The following EQTN variants were observed in gnomAD, a reference collection of about 807,000 sequenced individuals.
EQTN encodes equatorin.
A neutral mutation model predicts 26.9 loss-of-function variants in EQTN; 29 were observed. The ratio of observed to expected loss-of-function variants is 1.08; its 90% CI spans 0.80 to 1.47. The LOEUF (loss-of-function observed/expected upper bound fraction) is 1.47, where lower values mean the gene tolerates loss of function less well. EQTN is among the 40% of genes most tolerant of loss of function. The pLI is 0.00. For missense variants in EQTN, 391 were observed against 346.1 expected, an observed-to-expected ratio of 1.13 and a Z score of -1.03; for synonymous variants, 129 against 120.0, an observed-to-expected ratio of 1.07 and a Z score of -0.49.
At chr9:27,292,248 C>A in intron 4 of EQTN, 153 bp downstream of exon 4, 1 of 432,900 alleles carries the variant, frequency 2.3e-6, no homozygotes, top group Non-Finnish European at 4.1e-6. Flanking sequence ...TAGACATTCA[C>A]CATTTAAAAG....
chr9:27,290,177 G>T (rs566976516), intron 5 of EQTN, among the ~76,000 whole-genome samples: 2 of 152,064 alleles, frequency 1.3e-5, no homozygotes, highest in African/African-American at 4.8e-5. Context: ...CACTACATTT[G>T]GGGGCCATTT....
intron 2 of EQTN, among the ~76,000 whole-genome samples, chr9:27,295,406 G>T (rs1280064463): frequency 1.3e-5 from 2 of 152,126 alleles, no homozygotes; most frequent in Non-Finnish European, 2.9e-5. Flanking sequence ...CTTAGAGTTT[G>T]GTTAATTAAA....
intron 2 of EQTN, 98 bp downstream of exon 2, chr9:27,296,515 A>C (rs960721515): frequency 2.3e-6 from 2 of 870,158 alleles, no homozygotes; most frequent in Admixed American, 6.5e-5. Context: ...ATACCCAACA[A>C]ATACAGGGGG....
At chr9:27,293,532 C>G (rs1195756458) in intron 3 of EQTN, among the ~76,000 whole-genome samples, 1 of 152,136 alleles carries the variant, frequency 6.6e-6, no homozygotes, top group East Asian at 1.9e-4. Flanking sequence ...TATTCCAATC[C>G]CACTTTCCCT....
chr9:27,296,547 G>T, intron 2 of EQTN, 66 bp downstream of exon 2: 1 of 1,132,872 alleles, frequency 8.8e-7, no homozygotes, highest in South Asian at 1.6e-5. Context: ...ATTTAAAAAG[G>T]ACACTTAAGT....
At chr9:27,289,850 C>T (rs540324269) in intron 5 of EQTN, 119 bp from the exon 6 acceptor site, 12 of 644,362 alleles carry the variant, frequency 1.9e-5, no homozygotes, top group Middle Eastern at 3.8e-4. Flanking sequence ...TCTCATTATT[C>T]GTGGCAGTTA....
intron 5 of EQTN, among the ~76,000 whole-genome samples, chr9:27,289,952 A>G (rs1248299682): frequency 6.6e-6 from 1 of 152,250 alleles, no homozygotes; most frequent in Non-Finnish European, 1.5e-5. Context: ...AAGTCTGGTC[A>G]CAGCATTTTC....
At chr9:27,292,551 A>AT (rs1020874293) in intron 3 of EQTN, 64 bp from the exon 4 acceptor site, 5 of 909,960 alleles carry the variant, frequency 5.5e-6, no homozygotes, top group African/African-American at 3.4e-5. Context: ...GAGAATAGAT[A>AT]TTTTTTAATA....
In EQTN at chr9:27,286,247, T is replaced by C. The variant is rs1820118778; in HGVS notation, c.597A>G (p.Ala199=). The C allele has an allele frequency of 2.5e-6, 4 of 1,614,004 alleles. No homozygotes were observed. The East Asian group carries it at 8.9e-5, about 36-fold the overall frequency. The change falls in exon 7 of 8, where the codon GCA becomes GCG. Residue 199 remains alanine (A), a synonymous_variant. Transcript: ENST00000380032. ...MTLLLFVVLL[A]FCSATLYKLR... ...GTTTGTACAGTGTAGCACTACAGAA[T>C]GCCAAGAGGACCACAAAGAGGAGGA...
chr9:27,289,649 C>A, intron 6 of EQTN, 23 bp downstream of exon 6: 2 of 1,586,710 alleles, frequency 1.3e-6, no homozygotes, highest in South Asian at 2.3e-5. Context: ...TGCACCCAGT[C>A]AATTGAAATA....
In EQTN at chr9:27,294,410, C is replaced by A; in HGVS notation, c.203-8G>T. The A allele has an allele frequency of 6.4e-7, 1 of 1,559,074 alleles. No homozygotes were observed. Among genetic ancestry groups the A allele is most frequent in the Non-Finnish European group, 8.7e-7 (1 of 1,144,008 alleles). ...TTTGTGTTGTGAACACATCTAAAAA[C>A]AAAAGCGAAAGTCTTCAGCAACTAG... On this transcript the variant is annotated splice_region_variant and splice_polypyrimidine_tract_variant and intron_variant, in intron 2 of 7. Transcript: ENST00000380032.
chr9:27,290,969 A>AT (rs767905854), intron 5 of EQTN, 50 bp downstream of exon 5: 2 of 1,559,360 alleles, frequency 1.3e-6, no homozygotes, highest in South Asian at 2.3e-5. Context: ...TCTAAGTAAG[A>AT]TTTTAGAAAA....
At chr9:27,286,636 A>G (rs1820131347) in intron 6 of EQTN, among the ~76,000 whole-genome samples, 1 of 152,242 alleles carries the variant, frequency 6.6e-6, no homozygotes, top group African/African-American at 2.4e-5. Flanking sequence ...CGCATAGCAC[A>G]TAGTAAGTGG....
intron 3 of EQTN, among the ~76,000 whole-genome samples, chr9:27,293,602 T>C (rs919786709): frequency 1.1e-4 from 16 of 152,172 alleles, no homozygotes; most frequent in African/African-American, 3.6e-4. Context: ...AGTCTCTTCC[T>C]TGGGTCCTGC....
intron 2 of EQTN, among the ~76,000 whole-genome samples, chr9:27,295,831 C>CAAAAA (rs67401588): frequency 1.6e-3 from 113 of 68,910 alleles, no homozygotes; most frequent in African/African-American, 3.6e-3. Flanking sequence ...GACTCCGTCT[C>CAAAAA]AAAAAAAAAA....
chr9:27,285,133 CTTTTTTTTTT>C (rs201723057), intron 7 of EQTN, among the ~76,000 whole-genome samples, 161 bp from the exon 8 acceptor site: 58 of 77,080 alleles, frequency 7.5e-4, no homozygotes, highest in Admixed American at 6.5e-3. Flanking sequence ...TTTTCTTTTC[CTTTTTTTTTT>C]TTTTTTTTTT....
chr9:27,289,117 C>A (rs1054784593), intron 6 of EQTN, among the ~76,000 whole-genome samples: 1 of 152,104 alleles, frequency 6.6e-6, no homozygotes, highest in South Asian at 2.1e-4. Flanking sequence ...AAATTCTGTA[C>A]GTTCTGCCAA....
chr9:27,286,933 C>T (rs979886835), intron 6 of EQTN, among the ~76,000 whole-genome samples: 4 of 152,044 alleles, frequency 2.6e-5, no homozygotes, highest in East Asian at 1.9e-4. Context: ...CTTCACATTA[C>T]AAAAATAAAT....
At chr9:27,290,437 A>G (rs1340276104) in intron 5 of EQTN, among the ~76,000 whole-genome samples, 1 of 152,248 alleles carries the variant, frequency 6.6e-6, no homozygotes, top group East Asian at 1.9e-4. Context: ...ATTAATGAGT[A>G]GGTGATACAG....
Sources: allele counts gnomAD v4.1 joint callset (sites outside exome capture counted in the v4.1 genomes callset), GRCh38; gene constraint gnomAD v4.1.1; transcripts MANE v1.5; gene names NCBI Gene and HGNC (gene_info 2026-07-23, HGNC 2026-07-21).